STK3: variants seen among roughly 807,000 people sequenced by gnomAD.
STK3 encodes serine/threonine kinase 3.
Under a neutral mutation model 58.0 loss-of-function variants are expected in STK3, and 41 were observed. The observed-to-expected ratio is 0.71, with a 90% CI of 0.55 to 0.92. STK3 has a LOEUF of 0.92. Ranked by LOEUF, STK3 falls within the 40% of genes least tolerant of loss-of-function variation. The pLI is 0.00. For synonymous variants in STK3, 170 were observed against 191.0 expected (o/e 0.89, Z 0.91); for missense variants, 479 against 602.7 (o/e 0.79, Z 2.15).
At chr8:98,803,790 A>AT (rs1385398766) in intron 1 of STK3, among the ~76,000 whole-genome samples, 1 of 152,134 alleles carries the variant, frequency 6.6e-6, no homozygotes, top group Admixed American at 6.5e-5. Context: ...TTAGTCCATT[A>AT]TATTCATTCA....
At chr8:98,626,569 A>T (rs1818734250) in intron 6 of STK3, among the ~76,000 whole-genome samples, 1 of 152,204 alleles carries the variant, frequency 6.6e-6, no homozygotes, top group Non-Finnish European at 1.5e-5. Flanking sequence ...CTGCTTTAGG[A>T]GGTCAGGGGT....
At chr8:98,489,225 G>GT (rs1822511584) in intron 10 of STK3, among the ~76,000 whole-genome samples, 1 of 151,224 alleles carries the variant, frequency 6.6e-6, no homozygotes, top group Admixed American at 6.6e-5. Context: ...TGGAACTAGA[G>GT]TTAAAAAAAA....
At chr8:98,577,073 A>G (rs1813469781) in intron 8 of STK3, among the ~76,000 whole-genome samples, 1 of 152,192 alleles carries the variant, frequency 6.6e-6, no homozygotes. Context: ...GATGCTGTTA[A>G]GTTTTCTATC....
intron 7 of STK3, among the ~76,000 whole-genome samples, chr8:98,584,095 T>G (rs1440252224): frequency 6.6e-6 from 1 of 151,936 alleles, no homozygotes; most frequent in Non-Finnish European, 1.5e-5. Context: ...TTTTTAAAGT[T>G]TTTTTTTCTT....
intron 4 of STK3, among the ~76,000 whole-genome samples, chr8:98,708,700 A>G (rs905493538): frequency 2.0e-5 from 3 of 152,210 alleles, no homozygotes; most frequent in African/African-American, 7.2e-5. Context: ...GTAGTGTGAT[A>G]TTATGAAATC....
chr8:98,446,680 C>G (rs891731761), intron 1 of STK3, among the ~76,000 whole-genome samples: 3 of 152,092 alleles, frequency 2.0e-5, no homozygotes, highest in African/African-American at 7.2e-5. Context: ...TTAGTTCAAC[C>G]ATTGTGGAAA....
intron 9 of STK3, among the ~76,000 whole-genome samples, chr8:98,540,658 C>T (rs542680212): frequency 2.6e-5 from 4 of 152,184 alleles, no homozygotes; most frequent in South Asian, 2.1e-4. Context: ...ACATTGTAGT[C>T]GACTGAAATT....
intron 3 of STK3, among the ~76,000 whole-genome samples, chr8:98,426,629 C>A (rs965138317): frequency 3.1e-4 from 47 of 152,306 alleles, no homozygotes; most frequent in African/African-American, 1.0e-3. Flanking sequence ...TCTTCAGGTC[C>A]CTAAAAGGGG....
intron 1 of STK3, among the ~76,000 whole-genome samples, chr8:98,912,406 GA>G (rs57138062): frequency 0.036 from 5,186 of 143,892 alleles, 107 homozygotes; most frequent in African/African-American, 0.074. Context: ...AATAACAAAC[GA>G]AAAAAAAAAA....
At chr8:98,414,866 G>A (rs1386202929) in intron 3 of STK3, among the ~76,000 whole-genome samples, 1 of 152,168 alleles carries the variant, frequency 6.6e-6, no homozygotes, top group Non-Finnish European at 1.5e-5. Context: ...GGAAGGATGT[G>A]TTGAAGATGG....
intron 6 of STK3, among the ~76,000 whole-genome samples, chr8:98,631,967 TTG>T (rs1209470727): frequency 3.3e-5 from 5 of 152,260 alleles, no homozygotes; most frequent in African/African-American, 1.2e-4. Context: ...GCCCAGCTTT[TTG>T]TGTGTAATTT....
chr8:98,638,954 T>C (rs1819816498), intron 6 of STK3, among the ~76,000 whole-genome samples: 2 of 152,160 alleles, frequency 1.3e-5, no homozygotes, highest in Admixed American at 6.6e-5. Flanking sequence ...AAATATTAAG[T>C]AAAAATTAAC....
chr8:98,807,297 C>T (rs1833947240), intron 1 of STK3, among the ~76,000 whole-genome samples: 1 of 151,978 alleles, frequency 6.6e-6, no homozygotes, highest in Non-Finnish European at 1.5e-5. Flanking sequence ...CATTCTGTTG[C>T]CCAGGCTGGA....
intron 3 of STK3, among the ~76,000 whole-genome samples, chr8:98,417,242 C>T (rs559954129): frequency 7.2e-5 from 11 of 152,228 alleles, no homozygotes; most frequent in African/African-American, 2.2e-4. Flanking sequence ...TGGCCGGGTG[C>T]GGTGGCTCAT....
chr8:98,610,705 C>A (rs1287005110), intron 6 of STK3, among the ~76,000 whole-genome samples: 1 of 152,164 alleles, frequency 6.6e-6, no homozygotes, highest in Non-Finnish European at 1.5e-5. Flanking sequence ...GTCTGCAGAG[C>A]ATGATCTAGG....
chr8:98,690,885 A>T (rs1824357279), intron 6 of STK3, among the ~76,000 whole-genome samples: 1 of 152,220 alleles, frequency 6.6e-6, no homozygotes, highest in Non-Finnish European at 1.5e-5. Context: ...GCATAAAAAA[A>T]TAATGGGATC....
chr8:98,933,570 T>C (rs1393074300), intron 1 of STK3, among the ~76,000 whole-genome samples: 1 of 152,230 alleles, frequency 6.6e-6, no homozygotes, highest in African/African-American at 2.4e-5. Context: ...ATAGGAACTA[T>C]CTATCCAATT....
chr8:98,756,484 G>A (rs1200886519), intron 3 of STK3, among the ~76,000 whole-genome samples: 1 of 152,004 alleles, frequency 6.6e-6, no homozygotes, highest in Non-Finnish European at 1.5e-5. Flanking sequence ...AAAGAGACTG[G>A]GCTTTATTTG....
chr8:98,545,799 G>A (rs577609007), intron 9 of STK3, among the ~76,000 whole-genome samples: 2 of 152,252 alleles, frequency 1.3e-5, no homozygotes, highest in East Asian at 1.9e-4. Flanking sequence ...ATGTGGCTTT[G>A]ACTGATGTGA....
Sources: allele counts gnomAD v4.1 joint callset (sites outside exome capture counted in the v4.1 genomes callset), GRCh38; gene constraint gnomAD v4.1.1; transcripts MANE v1.5; gene names NCBI Gene and HGNC (gene_info 2026-07-23, HGNC 2026-07-21).